The following NSF variants were observed in gnomAD, a reference collection of about 807,000 sequenced individuals.
NSF encodes vesicle-fusing ATPase.
A neutral mutation model predicts 50.3 loss-of-function variants in NSF; 14 were observed. The observed-to-expected ratio is 0.28, with a 90% CI of 0.18 to 0.44. The LOEUF is 0.44. Ranked by LOEUF, NSF falls within the 20% of genes least tolerant of loss-of-function variation. NSF has a pLI of 1.00. For synonymous variants in NSF, 109 were observed against 175.7 expected, an observed-to-expected ratio of 0.62 and a Z score of 3.00; for missense variants, 218 against 504.3, an observed-to-expected ratio of 0.43 and a Z score of 5.44.
intron 17 of NSF, among the ~76,000 whole-genome samples, chr17:46,743,200 C>T (rs1250440756): frequency 1.3e-5 from 2 of 152,138 alleles, no homozygotes; most frequent in African/African-American, 4.8e-5. Flanking sequence ...CAACCTTGGC[C>T]TCTCTGCGTC....
chr17:46,748,043 A>T (rs1167967555), intron 17 of NSF, among the ~76,000 whole-genome samples: 1 of 152,200 alleles, frequency 6.6e-6, no homozygotes, highest in Non-Finnish European at 1.5e-5. Flanking sequence ...ATCAGATAGC[A>T]TTTGTCTTTT....
chr17:46,748,870 A>G (rs2059155664), intron 17 of NSF, among the ~76,000 whole-genome samples: 1 of 152,234 alleles, frequency 6.6e-6, no homozygotes, highest in African/African-American at 2.4e-5. Context: ...CCAAGAAAGG[A>G]AATTGAATAG....
intron 17 of NSF, among the ~76,000 whole-genome samples, chr17:46,731,374 G>A (rs530024468): frequency 1.4e-4 from 21 of 152,086 alleles, no homozygotes; most frequent in Non-Finnish European, 2.4e-4. Context: ...TAATGGGTAT[G>A]GGGTTTCTTT....
At chr17:46,724,439 T>A (rs2058866254) in intron 15 of NSF, among the ~76,000 whole-genome samples, 1 of 152,214 alleles carries the variant, frequency 6.6e-6, no homozygotes, top group African/African-American at 2.4e-5. Context: ...GATTCCATGA[T>A]AGCCAAGGCA....
intron 8 of NSF, among the ~76,000 whole-genome samples, chr17:46,671,914 G>C (rs2058373332): frequency 1.4e-5 from 2 of 144,462 alleles, no homozygotes; most frequent in South Asian, 4.2e-4. Flanking sequence ...ATTTAAATTA[G>C]CTCAGCTATG....
chr17:46,713,905 C>T lies in NSF; in HGVS notation c.1680C>T (p.Ser560=), dbSNP rs761822110. The T allele has an allele frequency of 1.2e-6, 2 of 1,612,636 alleles. No individual in the cohort carries two copies. The highest frequency in any genetic ancestry group is 1.7e-6 in the Non-Finnish European group (2 of 1,179,570). The change falls in exon 15 of 21, where the codon TCC becomes TCT. Residue 560 remains serine, a synonymous_variant. Coordinates refer to ENST00000398238, the MANE Select transcript of NSF (RefSeq NM_006178.4). ...TAGCTGCAAAAATTGCAGAGGAATC[C>T]AACTTCCCGTTCATCAAGATCTGTT... ...TALAAKIAEE[S]NFPFIKICSP...
chr17:46,714,349 T>C (rs982215515), intron 15 of NSF, among the ~76,000 whole-genome samples: 2 of 152,210 alleles, frequency 1.3e-5, no homozygotes, highest in Non-Finnish European at 2.9e-5. Context: ...AGTTGAACTC[T>C]TTGGGGTCAA....
At position 46,678,971 on chromosome 17, in the gene NSF, G is replaced by C. The variant is rs909801855; in HGVS notation, c.945+4358G>C. 2.0e-4 allele frequency among the ~76,000 whole-genome samples: 30 copies of C among 150,728 alleles called. No individual in the cohort carries two copies. The East Asian group carries it at 5.1e-3, about 25-fold the overall frequency. ...CAGTAATGAAAATAAATAGCCTACA[G>C]CTATATACAGTTGTGAATCTCACAA... is the stretch of plus-strand genomic sequence containing the variant. On this transcript the variant is annotated intron_variant, in intron 9 of 20. Coordinates refer to ENST00000398238, the MANE Select transcript of NSF (RefSeq NM_006178.4).
intron 17 of NSF, among the ~76,000 whole-genome samples, chr17:46,745,826 A>G (rs1020479464): frequency 5.9e-5 from 9 of 152,228 alleles, no homozygotes; most frequent in Non-Finnish European, 1.3e-4. Context: ...TAAATATAAC[A>G]GCACCACTTT....
In NSF at chr17:46,678,516, G is replaced by A. The variant is rs112149637; in HGVS notation, c.945+3903G>A. On this transcript the variant is annotated intron_variant, in intron 9 of 20. Coordinates refer to ENST00000398238, the MANE Select transcript of NSF (RefSeq NM_006178.4). ...GAGAGAGAGAGAGAGAGAGAATACCGTTTAAAGGTCTGGTGCGTGTATTTA... is the reference window on the plus strand; with the variant it reads ...GAGAGAGAGAGAGAGAGAGAATACCATTTAAAGGTCTGGTGCGTGTATTTA... Among the ~76,000 whole-genome samples, 821 of 151,222 alleles carry A rather than the reference G, an allele frequency of 5.4e-3. 15 individuals carry two copies. The highest frequency in any genetic ancestry group is 0.018 in the African/African-American group (758 of 41,042).
rs955138260 is a variant in NSF at position 46,717,500 on chromosome 17, C to T, written c.1761+3514C>T. On this transcript the variant is annotated intron_variant, in intron 15 of 20. Transcript: ENST00000398238. Reference sequence around the variant, plus strand: ...GGCTGAGGTGGGGGGATCATGAGGTCAGGAGTTCGAGACCAGCCTGACTAA... The same window carrying T: ...GGCTGAGGTGGGGGGATCATGAGGTTAGGAGTTCGAGACCAGCCTGACTAA... 6.6e-5 allele frequency among the ~76,000 whole-genome samples: 10 copies of T among 152,240 alleles called. No homozygotes were observed. In the South Asian group the frequency reaches 8.3e-4, roughly 13 times the overall value.
intron 9 of NSF, among the ~76,000 whole-genome samples, chr17:46,691,672 C>G (rs1037895531): frequency 2.0e-5 from 3 of 151,860 alleles, no homozygotes; most frequent in Non-Finnish European, 2.9e-5. Flanking sequence ...AATCCTCAGT[C>G]TCATTATGCT....
chr17:46,716,438 T>G (rs2058770228), intron 15 of NSF, among the ~76,000 whole-genome samples: 1 of 152,054 alleles, frequency 6.6e-6, no homozygotes, highest in South Asian at 2.1e-4. Flanking sequence ...TTTGTATTTT[T>G]AGTAGAGATG....
Position 46,751,628 on chromosome 17 carries a change from C to T in NSF, c.2157+12C>T. The T allele has an allele frequency of 1.3e-6, 2 of 1,541,040 alleles. No individual in the cohort carries two copies. Among genetic ancestry groups the T allele is most frequent in the African/African-American group, 1.4e-5 (1 of 73,878 alleles). On this transcript the variant is annotated intron_variant, in intron 19 of 20. Coordinates refer to ENST00000398238, the MANE Select transcript of NSF (RefSeq NM_006178.4). The stretch of plus-strand genomic sequence containing the variant: ...AGATGTCCCTACAGGTAAGGTACTT[C>T]GTTCTCCGTATGACTCAGACAGAAC...
intron 13 of NSF, among the ~76,000 whole-genome samples, chr17:46,707,477 A>G (rs963554816): frequency 2.0e-5 from 3 of 152,052 alleles, no homozygotes; most frequent in African/African-American, 7.2e-5. Context: ...ACCACCATCC[A>G]TCTCTAAAAC....
intron 5 of NSF, among the ~76,000 whole-genome samples, chr17:46,638,749 C>T (rs2058206695): frequency 7.8e-6 from 1 of 127,698 alleles, no homozygotes; most frequent in Admixed American, 8.7e-5. Context: ...CTCAAGTGAT[C>T]CTCCCACCTC....
In NSF at chr17:46,744,621, GA is replaced by G. The variant is rs111404933; in HGVS notation, c.1909-5142del. 8.1e-5 allele frequency among the ~76,000 whole-genome samples: 12 copies of G among 147,664 alleles called. 1 individual carries two copies. Among genetic ancestry groups the G allele is most frequent in the South Asian group, 6.5e-4 (3 of 4,632 alleles). ...TATATTAGTGGCATTTTTATTTAGGGAAAAAAAAAAGCTTTCTTCCACTTGA... is the reference window on the plus strand; with the variant it reads ...TATATTAGTGGCATTTTTATTTAGGGAAAAAAAAAGCTTTCTTCCACTTGA... On this transcript the variant is annotated intron_variant, in intron 17 of 20. Transcript: ENST00000398238.
At chr17:46,722,086 A>T (rs2058836591) in intron 15 of NSF, 4 of 1,610,838 alleles carry the variant, frequency 2.5e-6, no homozygotes, top group African/African-American at 2.7e-5. Flanking sequence ...CCAGCTCCAG[A>T]AGAGCCTGGG....
At chr17:46,737,677 T>G (rs2059021859) in intron 17 of NSF, among the ~76,000 whole-genome samples, 1 of 151,982 alleles carries the variant, frequency 6.6e-6, no homozygotes, top group Non-Finnish European at 1.5e-5. Flanking sequence ...GAAAACATGA[T>G]GCATAGAGTT....
Sources: allele counts gnomAD v4.1 joint callset (sites outside exome capture counted in the v4.1 genomes callset), GRCh38; gene constraint gnomAD v4.1.1; transcripts MANE v1.5; gene names NCBI Gene and HGNC (gene_info 2026-07-23, HGNC 2026-07-21).